ZCCHC7: variants seen among roughly 807,000 people sequenced by gnomAD.
The protein encoded by ZCCHC7 is zinc finger CCHC domain-containing protein 7.
ZCCHC7 carries 35 observed loss-of-function variants against 52.0 expected under a neutral mutation model. The observed-to-expected ratio is 0.67, with a 90% CI of 0.51 to 0.89. The LOEUF (loss-of-function observed/expected upper bound fraction) is 0.89. ZCCHC7 is among the 40% of genes least tolerant of loss of function. The pLI is 0.00. For synonymous variants in ZCCHC7, 217 were observed against 221.5 expected, an observed-to-expected ratio of 0.98 and a Z score of 0.18; for missense variants, 574 against 649.1, an observed-to-expected ratio of 0.88 and a Z score of 1.26.
intron 2 of ZCCHC7, among the ~76,000 whole-genome samples, chr9:37,265,737 C>T (rs1827074251): frequency 6.6e-6 from 1 of 152,084 alleles, no homozygotes; most frequent in Admixed American, 6.5e-5. Context: ...TTCTGTTTTC[C>T]AGCGACCATT....
chr9:37,219,461 C>T lies in ZCCHC7; in HGVS notation c.611-82727C>T, dbSNP rs547182043. Among the ~76,000 whole-genome samples the T allele has an allele frequency of 2.7e-5, 4 of 150,538 alleles. No individual in the cohort carries two copies. The South Asian group carries it at 9.2e-4, about 35-fold the overall frequency. ...GGCTTAACTTCTGCTATATGCACTT[C>T]TCCTTCTTAGACTGCACACTAATTC... is the stretch of plus-strand genomic sequence containing the variant. On this transcript the variant is annotated intron_variant, in intron 2 of 8. Transcript: ENST00000336755.
chr9:37,132,461 T>G (rs930470947), intron 2 of ZCCHC7, among the ~76,000 whole-genome samples: 1 of 152,350 alleles, frequency 6.6e-6, no homozygotes, highest in Middle Eastern at 3.4e-3. Flanking sequence ...CTTTCCTATC[T>G]ATAACTCTGT....
At chr9:37,164,498 T>TAGAC (rs1554705358) in intron 2 of ZCCHC7, among the ~76,000 whole-genome samples, 4,248 of 134,948 alleles carry the variant, frequency 0.031, 116 homozygotes, top group East Asian at 0.065. Context: ...GATAGATAGA[T>TAGAC]AGACAGACAA....
intron 6 of ZCCHC7, among the ~76,000 whole-genome samples, chr9:37,336,999 A>C: frequency 6.6e-6 from 1 of 152,152 alleles, no homozygotes; most frequent in East Asian, 1.9e-4. Flanking sequence ...TCTCCGGACA[A>C]TTGGCGGAGG....
chr9:37,122,859 C>T (rs924633006), intron 1 of ZCCHC7, among the ~76,000 whole-genome samples: 1 of 152,210 alleles, frequency 6.6e-6, no homozygotes. Flanking sequence ...ATTTCTTGAA[C>T]CCAGGAGGAG....
At chr9:37,182,380 C>G (rs1451569292) in intron 2 of ZCCHC7, among the ~76,000 whole-genome samples, 1 of 137,950 alleles carries the variant, frequency 7.2e-6, no homozygotes, top group Non-Finnish European at 1.5e-5. Context: ...GAGATGTAGT[C>G]TTGCTCTGTT....
chr9:37,129,906 T>C (rs1475902801), intron 2 of ZCCHC7, among the ~76,000 whole-genome samples: 1 of 152,164 alleles, frequency 6.6e-6, no homozygotes, highest in Non-Finnish European at 1.5e-5. Flanking sequence ...AGGGTATAAG[T>C]AATGCTGAGG....
At chr9:37,200,772 A>G (rs1415317421) in intron 2 of ZCCHC7, among the ~76,000 whole-genome samples, 1 of 152,268 alleles carries the variant, frequency 6.6e-6, no homozygotes, top group Non-Finnish European at 1.5e-5. Flanking sequence ...GGAGTAGACC[A>G]GAAATATGAA....
At chr9:37,274,540 T>C (rs775009064) in intron 2 of ZCCHC7, among the ~76,000 whole-genome samples, 2 of 151,728 alleles carry the variant, frequency 1.3e-5, no homozygotes, top group African/African-American at 2.4e-5. Flanking sequence ...GGTTTCACTA[T>C]GTTGGCCAGG....
chr9:37,289,641 TTTC>T (rs1202211794), intron 2 of ZCCHC7, among the ~76,000 whole-genome samples: 1 of 152,230 alleles, frequency 6.6e-6, no homozygotes, highest in Non-Finnish European at 1.5e-5. Context: ...CCATCTATTT[TTTC>T]TTCTCAGTGG....
chr9:37,313,408 T>C (rs1795725920), intron 5 of ZCCHC7, among the ~76,000 whole-genome samples: 1 of 152,128 alleles, frequency 6.6e-6, no homozygotes, highest in Admixed American at 6.5e-5. Context: ...AGGGAGTAAA[T>C]CCCAAAATCA....
chr9:37,131,018 A>G (rs533051292), intron 2 of ZCCHC7, among the ~76,000 whole-genome samples: 15 of 152,070 alleles, frequency 9.9e-5, no homozygotes, highest in South Asian at 4.1e-4. Flanking sequence ...ACTCTCCCCT[A>G]TTACTTTAAT....
intron 2 of ZCCHC7, among the ~76,000 whole-genome samples, chr9:37,296,932 G>A (rs894457378): frequency 1.9e-4 from 14 of 72,346 alleles, no homozygotes; most frequent in Admixed American, 3.3e-4. Context: ...TGTGTGTTTC[G>A]TAGAGATGAG....
At position 37,316,672 on chromosome 9, in the gene ZCCHC7, A is replaced by G. The variant is rs141501276; in HGVS notation, c.951+10958A>G. 2.6e-5 allele frequency among the ~76,000 whole-genome samples: 4 copies of G among 152,264 alleles called. No homozygotes were observed. The East Asian group carries it at 7.7e-4, about 29-fold the overall frequency. On this transcript the variant is annotated intron_variant, in intron 5 of 8. Transcript: ENST00000336755. ...TTTGGCACAATGGAAGGGTCTTTTA[A>G]TGGTATAGATAACAATGTCCAGTGA...
intron 2 of ZCCHC7, among the ~76,000 whole-genome samples, chr9:37,280,060 G>A (rs576241132): frequency 1.3e-5 from 2 of 151,938 alleles, no homozygotes; most frequent in Non-Finnish European, 2.9e-5. Flanking sequence ...AGAATGGCGC[G>A]AACCCGGGAG....
At chr9:37,173,608 G>C (rs1181127682) in intron 2 of ZCCHC7, among the ~76,000 whole-genome samples, 1 of 152,030 alleles carries the variant, frequency 6.6e-6, no homozygotes, top group South Asian at 2.1e-4. Context: ...TTTACAGCAC[G>C]TTTGTTTTTT....
Position 37,304,244 on chromosome 9 carries a change from C to T in ZCCHC7, c.711C>T (p.Ala237=), listed in dbSNP as rs267602236. The T allele has an allele frequency of 5.0e-6, 8 of 1,613,734 alleles. No individual in the cohort carries two copies. Among genetic ancestry groups the T allele is most frequent in the Non-Finnish European group, 6.8e-6 (8 of 1,179,830 alleles). The change falls in exon 4 of 9, where the codon GCC becomes GCT. Residue 237 remains alanine, a synonymous_variant. Transcript: ENST00000336755. ...PGRWTQRYYS[A]NKNIICRNCD... is the part of the protein sequence containing the mutation. ...GATGGACCCAGCGGTACTATTCAGC[C>T]AACAAAAACATTATCTGTAGAAATT...
In ZCCHC7 at chr9:37,126,349, A is replaced by AT; in HGVS notation, c.18dup (p.Glu7Ter). ...TGACTTTTTATGATGTTTGGTGGCT[A>AT]TGAGACTATAGAAGCATACGAAGAT... is the stretch of plus-strand genomic sequence containing the variant. On this transcript the variant is annotated frameshift_variant, in exon 2 of 9. Coordinates refer to ENST00000336755, the MANE Select transcript of ZCCHC7 (RefSeq NM_032226.3). LOFTEE classifies it high-confidence loss of function. The AT allele has an allele frequency of 4.3e-6, 7 of 1,612,870 alleles. No individual in the cohort carries two copies. Among genetic ancestry groups the AT allele is most frequent in the Non-Finnish European group, 4.2e-6 (5 of 1,179,312 alleles).
At chr9:37,336,507 G>A (rs1025352216) in intron 6 of ZCCHC7, among the ~76,000 whole-genome samples, 3 of 152,120 alleles carry the variant, frequency 2.0e-5, no homozygotes, top group Admixed American at 2.0e-4. Context: ...GGTGGTGGGA[G>A]GGCCATGTGT....
Sources: gnomAD v4.1 joint callset for allele counts (sites outside exome capture counted in the v4.1 genomes callset) on GRCh38, gnomAD v4.1.1 for gene constraint, MANE v1.5 for transcripts, NCBI Gene and HGNC (gene_info 2026-07-23, HGNC 2026-07-21) for gene names.